Variants in PIEZO2 observed in about 807,000 individuals in gnomAD.
PIEZO2 encodes the protein piezo type mechanosensitive ion channel component 2.
In PIEZO2, 172 loss-of-function variants were observed where a neutral mutation model predicts 337.3. That is an observed-to-expected ratio of 0.51 (90% CI 0.45 to 0.58). The LOEUF (loss-of-function observed/expected upper bound fraction) is 0.58, where lower values mean the gene tolerates loss of function less well. Among genes scored for constraint, PIEZO2 ranks in the 20% least tolerant of loss-of-function variants. PIEZO2 has a pLI of 0.00. For missense variants in PIEZO2, 3,028 were observed against 3,391.3 expected (o/e 0.89, Z 2.66); for synonymous variants, 1,251 against 1,228.5 (o/e 1.02, Z -0.38).
chr18:10,691,387 A>G lies in PIEZO2; in HGVS notation c.7191-4T>C, dbSNP rs892230688. 2.5e-6 allele frequency: 4 copies of G among 1,612,336 alleles called. No homozygotes were observed. The highest frequency in any genetic ancestry group is 2.5e-6 in the Non-Finnish European group (3 of 1,179,276). On this transcript the variant is annotated splice_region_variant and splice_polypyrimidine_tract_variant and intron_variant, in intron 47 of 55. Transcript: ENST00000674853. ...AACCAGGTTCTGGCTGAATTTCCTA[A>G]AATGTAAAAGTACAGAAAGTGAAGC... is the stretch of plus-strand genomic sequence containing the variant.
chr18:11,148,600 G>A lies in PIEZO2; in HGVS notation c.-12C>T. ...ACTTCTGAGGCCATCGCGTCGGTCC[G>A]GCGAGTCGGAGCAGAGGGGCGAGGC... On this transcript the variant is annotated 5_prime_UTR_variant, in exon 1 of 56. Coordinates refer to ENST00000674853, the MANE Select transcript of PIEZO2 (RefSeq NM_001378183.1). The surrounding 1 kb of genome is among the most constrained non-coding windows in gnomAD (Gnocchi z 5.2). The A allele has an allele frequency of 6.5e-7, 1 of 1,536,968 alleles. No individual in the cohort carries two copies. Among genetic ancestry groups the A allele is most frequent in the Non-Finnish European group, 8.7e-7 (1 of 1,146,844 alleles).
At chr18:10,924,376 A>G (rs2031601979) in intron 3 of PIEZO2, among the ~76,000 whole-genome samples, 1 of 152,218 alleles carries the variant, frequency 6.6e-6, no homozygotes, top group South Asian at 2.1e-4. Flanking sequence ...GGTCAAATCC[A>G]TAAGTAACTT....
chr18:10,710,723 G>C (rs927999787), intron 39 of PIEZO2, among the ~76,000 whole-genome samples: 5 of 152,206 alleles, frequency 3.3e-5, no homozygotes, highest in Non-Finnish European at 7.3e-5. Context: ...GACCTCACTG[G>C]GGAGTGGCAG....
At chr18:10,753,523 G>A (rs2037725899) in intron 27 of PIEZO2, among the ~76,000 whole-genome samples, 1 of 152,300 alleles carries the variant, frequency 6.6e-6, no homozygotes, top group East Asian at 1.9e-4. Flanking sequence ...TCTAGCCTGC[G>A]GGTCAATGTC....
intron 18 of PIEZO2, among the ~76,000 whole-genome samples, chr18:10,774,345 A>G (rs1007868337): frequency 6.6e-6 from 1 of 152,242 alleles, no homozygotes; most frequent in African/African-American, 2.4e-5. Flanking sequence ...ACCATCTTGC[A>G]AGAATCAAGT....
At position 10,875,888 on chromosome 18, in the gene PIEZO2, A is replaced by G. The variant is rs146560397; in HGVS notation, c.330-4473T>C. On this transcript the variant is annotated intron_variant, in intron 4 of 55. Coordinates refer to ENST00000674853, the MANE Select transcript of PIEZO2 (RefSeq NM_001378183.1). ...TGTAGTTTGCTAAAGCAATTACTCC[A>G]CCTGCTGTGATAGAATTTAGCTACT... Among the ~76,000 whole-genome samples, 339 of 152,338 alleles carry G rather than the reference A, an allele frequency of 2.2e-3. 3 individuals are homozygous for G. The East Asian group carries it at 0.042, about 19-fold the overall frequency.
At chr18:10,975,738 T>C (rs188124052) in intron 3 of PIEZO2, among the ~76,000 whole-genome samples, 1 of 152,292 alleles carries the variant, frequency 6.6e-6, no homozygotes, top group East Asian at 1.9e-4. Flanking sequence ...GGTGAGGGTA[T>C]GCATTTTAAA....
chr18:11,029,513 A>T (rs1449078801), intron 2 of PIEZO2, among the ~76,000 whole-genome samples: 1 of 152,164 alleles, frequency 6.6e-6, no homozygotes, highest in Admixed American at 6.5e-5. Context: ...GCTCAGATGG[A>T]TCTTTCAAAC....
Position 10,998,423 on chromosome 18 carries a change from G to GA in PIEZO2, c.161-18764dup, listed in dbSNP as rs200508496. ...CTCCAGTTAATTCATGGAATTTCTA[G>GA]AAAAAAATCTCTCTTTTTTGGATTT... On this transcript the variant is annotated intron_variant, in intron 2 of 55. Transcript: ENST00000674853. 4.0e-5 allele frequency among the ~76,000 whole-genome samples: 6 copies of GA among 151,472 alleles called. No homozygotes were observed. In the East Asian group the frequency reaches 5.8e-4, roughly 15 times the overall value.
chr18:11,079,911 G>A (rs2038678790), intron 1 of PIEZO2, among the ~76,000 whole-genome samples: 1 of 152,200 alleles, frequency 6.6e-6, no homozygotes, highest in African/African-American at 2.4e-5. Flanking sequence ...CCTGGGCATG[G>A]AACGATGTTC....
At chr18:11,074,973 A>G (rs1204210572) in intron 1 of PIEZO2, among the ~76,000 whole-genome samples, 1 of 152,226 alleles carries the variant, frequency 6.6e-6, no homozygotes, top group Non-Finnish European at 1.5e-5. Context: ...TAGCAAGGCC[A>G]AACAAGGTCT....
At position 10,707,918 on chromosome 18, in the gene PIEZO2, G is replaced by C. The variant is rs1009502557; in HGVS notation, c.5588+357C>G. Among the ~76,000 whole-genome samples, 2 of 152,124 alleles carry C rather than the reference G, an allele frequency of 1.3e-5. No individual in the cohort carries two copies. The highest frequency in any genetic ancestry group is 1.5e-5 in the Non-Finnish European group (1 of 68,024). On this transcript the variant is annotated intron_variant, in intron 40 of 55. Coordinates refer to ENST00000674853, the MANE Select transcript of PIEZO2 (RefSeq NM_001378183.1). This position sits in a 1 kb window ranked among gnomAD's most constrained non-coding sequence, Gnocchi z 4.2. The stretch of plus-strand genomic sequence containing the variant: ...AAGAAGTTTTCTACCTTTGCAAACA[G>C]AGTTCCCCCTTTGAGTAGTGCCCTC...
Position 11,125,725 on chromosome 18 carries a change from C to A in PIEZO2, c.64+22800G>T, listed in dbSNP as rs1411530969. Among the ~76,000 whole-genome samples, 2 of 152,168 alleles carry A rather than the reference C, an allele frequency of 1.3e-5. No individual in the cohort carries two copies. Among genetic ancestry groups the A allele is most frequent in the Non-Finnish European group, 1.5e-5 (1 of 68,008 alleles). ...AGTTCAGGGCAGGACAACATTCCAG[C>A]CCCCACTGACAGCAACTCCGGATCC... On this transcript the variant is annotated intron_variant, in intron 1 of 55. Transcript: ENST00000674853. The surrounding 1 kb of genome is among the most constrained non-coding windows in gnomAD (Gnocchi z 4.4).
chr18:10,804,079 G>A (rs2144300675), intron 8 of PIEZO2, 85 bp from the exon 9 acceptor site: 11 of 1,449,804 alleles, frequency 7.6e-6, no homozygotes, highest in Non-Finnish European at 6.4e-6. Context: ...TTTTCATTTT[G>A]GCTCAGTATG....
In PIEZO2 at chr18:10,683,410, T is replaced by C. The variant is rs2034365652; in HGVS notation, c.7498-1118A>G. Among the ~76,000 whole-genome samples, 3 of 152,210 alleles carry C rather than the reference T, an allele frequency of 2.0e-5. No homozygotes were observed. The South Asian group carries it at 6.2e-4, about 31-fold the overall frequency. ...TGCGTAGTGCACTCTGCATTCAGTG[T>C]GCATAAGGCAATGCACCCTATGGAT... On this transcript the variant is annotated intron_variant, in intron 49 of 55. Transcript: ENST00000674853.
chr18:11,076,255 T>C (rs1170627253), intron 1 of PIEZO2, among the ~76,000 whole-genome samples: 2 of 152,208 alleles, frequency 1.3e-5, no homozygotes, highest in East Asian at 1.9e-4. Flanking sequence ...CACAGAAACA[T>C]TGTATTCTAC....
intron 9 of PIEZO2, 115 bp from the exon 10 acceptor site, chr18:10,801,543 CTAGTATA>C: frequency 1.1e-6 from 1 of 894,882 alleles, no homozygotes; most frequent in African/African-American, 1.7e-5. Context: ...TTGCTGATTG[CTAGTATA>C]TTAATATTGC....
intron 1 of PIEZO2, among the ~76,000 whole-genome samples, chr18:11,137,496 G>A (rs1376661065): frequency 6.6e-6 from 1 of 152,212 alleles, no homozygotes; most frequent in Non-Finnish European, 1.5e-5. Flanking sequence ...AAAACAGAGA[G>A]TTTCTGTAAC....
intron 43 of PIEZO2, chr18:10,701,733 G>C (rs892166953): frequency 3.1e-5 from 11 of 357,840 alleles, no homozygotes; most frequent in Non-Finnish European, 2.5e-5. Context: ...TGGAAACATG[G>C]GGAAACATTC....
Sources: gnomAD v4.1 joint callset for allele counts (sites outside exome capture counted in the v4.1 genomes callset) on GRCh38, gnomAD v4.1.1 for gene constraint, Gnocchi (gnomAD v3.1) non-coding constraint, MANE v1.5 for transcripts, NCBI Gene and HGNC (gene_info 2026-07-23, HGNC 2026-07-21) for gene names.